MYO5C: variants seen among roughly 807,000 people sequenced by gnomAD.
MYO5C encodes myosin VC.
MYO5C carries 194 observed loss-of-function variants against 235.7 expected under a neutral mutation model. The ratio of observed to expected loss-of-function variants is 0.82; its 90% CI spans 0.73 to 0.93. The LOEUF is 0.93. MYO5C is among the 40% of genes least tolerant of loss of function. MYO5C has a pLI of 0.00. For missense variants in MYO5C, 2,038 were observed against 2,127.2 expected, an observed-to-expected ratio of 0.96 and a Z score of 0.82; for synonymous variants, 707 against 754.8, an observed-to-expected ratio of 0.94 and a Z score of 1.04.
In MYO5C at chr15:52,295,794, G is replaced by A. The variant is rs1025525907; in HGVS notation, c.-158C>T. ...CCAACGGCCTCCTGTTCCCGTTCCC[G>A]AGTTGGCGGCGAGGGGAGGGGGCAG... On this transcript the variant is annotated 5_prime_UTR_variant, in exon 1 of 41. Coordinates refer to ENST00000261839, the MANE Select transcript of MYO5C (RefSeq NM_018728.4). 2.1e-6 allele frequency: 1 copy of A among 478,500 alleles called. No homozygotes were observed. The highest frequency in any genetic ancestry group is 4.4e-5 in the Admixed American group (1 of 22,678). 29.6% of individuals were successfully genotyped at this position (478,500 alleles called of 1,614,324 possible).
chr15:52,229,124 C>G lies in MYO5C; in HGVS notation c.3207+9G>C, dbSNP rs761266623. ...CAGAGGGCGGGGCTGAACGTGAGAGCCGCTCTACCTTGACCTGCTTGCTCA... is the reference window on the plus strand; with the variant it reads ...CAGAGGGCGGGGCTGAACGTGAGAGGCGCTCTACCTTGACCTGCTTGCTCA... On this transcript the variant is annotated intron_variant, in intron 25 of 40. Coordinates refer to ENST00000261839, the MANE Select transcript of MYO5C (RefSeq NM_018728.4). 54 of 1,613,568 alleles carry G rather than the reference C, an allele frequency of 3.3e-5. 1 individual carries two copies. The Admixed American group carries it at 3.7e-4, about 11-fold the overall frequency.
intron 16 of MYO5C, among the ~76,000 whole-genome samples, 165 bp downstream of exon 16, chr15:52,246,752 A>G (rs1427229638): frequency 1.3e-5 from 2 of 152,138 alleles, no homozygotes; most frequent in Non-Finnish European, 2.9e-5. Context: ...GGGTTTAACC[A>G]GAGGGGCTGA....
At chr15:52,293,741 T>TCTC (rs2037442976) in intron 1 of MYO5C, among the ~76,000 whole-genome samples, 1 of 152,116 alleles carries the variant, frequency 6.6e-6, no homozygotes, top group African/African-American at 2.4e-5. Context: ...GACCTGAGAA[T>TCTC]TCAGCTACGT....
chr15:52,268,220 C>T (rs982660692), intron 8 of MYO5C, among the ~76,000 whole-genome samples: 16 of 152,144 alleles, frequency 1.1e-4, no homozygotes, highest in African/African-American at 3.4e-4. Flanking sequence ...AGAATGAAAG[C>T]ACTTAGTATG....
chr15:52,290,360 A>T (rs1468271449), intron 1 of MYO5C, among the ~76,000 whole-genome samples: 1 of 152,120 alleles, frequency 6.6e-6, no homozygotes, highest in Non-Finnish European at 1.5e-5. Flanking sequence ...TTAATGGTAT[A>T]TAGAAGTCTA....
chr15:52,290,331 A>AT (rs1320291935), intron 1 of MYO5C, among the ~76,000 whole-genome samples: 2 of 152,074 alleles, frequency 1.3e-5, no homozygotes, highest in East Asian at 1.9e-4. Flanking sequence ...CAATGGATAC[A>AT]TTTAATTTTC....
chr15:52,246,040 A>T lies in MYO5C; in HGVS notation c.1982T>A (p.Phe661Tyr). The T allele has an allele frequency of 6.2e-7, 1 of 1,613,582 alleles. No homozygotes were observed. Among genetic ancestry groups the T allele is most frequent in the Non-Finnish European group, 8.5e-7 (1 of 1,179,562 alleles). ...CTGCTGAACAATTCTTTTGGAGTCA[A>T]ATCTTTAAAAAGACAATGATATTAT... ...KPNDEKLPFE[F>Y]DSKRIVQQLR... Residue 661 changes from phenylalanine (F) to tyrosine (Y), a missense_variant and splice_region_variant, in exon 17 of 41, where the codon TTT (phenylalanine) becomes TAT (tyrosine). Transcript: ENST00000261839.
In MYO5C at chr15:52,205,870, G is replaced by A. The variant is rs1369004743; in HGVS notation, c.4483C>T (p.Arg1495Ter). The part of the protein sequence containing the change: ...YRQILSDVAI[R>*]IYHQFIIIME... ...ATGATAATAAATTGATGATATATTC[G>A]TATAGCCACATCACTGAGAATCTGT... is the stretch of plus-strand genomic sequence containing the variant. Residue 1495 changes from arginine (R) to a stop codon, truncating the protein, a stop_gained, in exon 37 of 41, where the codon CGA becomes TGA. Coordinates refer to ENST00000261839, the MANE Select transcript of MYO5C (RefSeq NM_018728.4). LOFTEE classifies it high-confidence loss of function. 3 of 1,591,040 alleles carry A rather than the reference G, an allele frequency of 1.9e-6. No individual in the cohort carries two copies. The highest frequency in any genetic ancestry group is 4.5e-5 in the East Asian group (2 of 44,488).
chr15:52,252,770 G>A (rs139124920), intron 12 of MYO5C, among the ~76,000 whole-genome samples: 473 of 142,326 alleles, frequency 3.3e-3, no homozygotes, highest in East Asian at 0.026. Context: ...GCAAGACTCC[G>A]TCTCAAAAAA....
chr15:52,248,828 T>C, intron 13 of MYO5C, 45 bp from the exon 14 acceptor site: 1 of 1,294,672 alleles, frequency 7.7e-7, no homozygotes, highest in Non-Finnish European at 1.1e-6. Flanking sequence ...GGCCAAAGAA[T>C]ATAGCCTCTA....
intron 20 of MYO5C, among the ~76,000 whole-genome samples, chr15:52,240,552 AAGAAG>A (rs1274640926): frequency 5.3e-4 from 68 of 129,466 alleles, no homozygotes; most frequent in Admixed American, 1.1e-3. Flanking sequence ...AAAAAAGAAA[AAGAAG>A]AAAAAAGAAA....
At chr15:52,279,228 G>A (rs767242529) in intron 3 of MYO5C, among the ~76,000 whole-genome samples, 4 of 152,090 alleles carry the variant, frequency 2.6e-5, no homozygotes, top group Non-Finnish European at 4.4e-5. Flanking sequence ...GGAAATGCTC[G>A]CAAATGGAGA....
intron 9 of MYO5C, among the ~76,000 whole-genome samples, chr15:52,262,844 T>C (rs1462437287): frequency 6.6e-6 from 1 of 152,186 alleles, no homozygotes; most frequent in East Asian, 1.9e-4. Flanking sequence ...GACTGAACAT[T>C]TGTGTCCCTC....
intron 10 of MYO5C, 129 bp downstream of exon 10, chr15:52,260,733 G>A: frequency 9.5e-7 from 1 of 1,055,916 alleles, no homozygotes; most frequent in Non-Finnish European, 1.3e-6. Context: ...GCATCTATAG[G>A]GGCAAAAGCA....
chr15:52,214,720 G>T, intron 32 of MYO5C, 30 bp from the exon 33 acceptor site: 3 of 1,465,166 alleles, frequency 2.0e-6, no homozygotes, highest in Non-Finnish European at 1.8e-6. Flanking sequence ...CCAGGATTTA[G>T]CTTAGAAGCA....
intron 18 of MYO5C, 65 bp from the exon 19 acceptor site, chr15:52,244,632 G>T: frequency 8.3e-7 from 1 of 1,208,080 alleles, no homozygotes; most frequent in Non-Finnish European, 1.2e-6. Flanking sequence ...ACAGTATTTG[G>T]AAAAGAGCTT....
intron 15 of MYO5C, 35 bp downstream of exon 15, chr15:52,247,422 CT>C: frequency 6.2e-7 from 1 of 1,610,346 alleles, no homozygotes. Flanking sequence ...CTGGCCCTGC[CT>C]TTAGACCCCT....
In MYO5C at chr15:52,246,968, G is replaced by A. The variant is rs56250328; in HGVS notation, c.1928C>T (p.Thr643Met). 7.3e-4 allele frequency: 1,185 copies of A among 1,614,086 alleles called. 7 individuals carry two copies. In the Middle Eastern group the frequency reaches 0.013, roughly 18 times the overall value. The change falls in exon 16 of 41, where the codon ACG (threonine) becomes ATG (methionine). Residue 643 changes from threonine to methionine, a missense_variant. Physicochemically the swap from Thr to Met is moderately conservative, Grantham distance 81 (BLOSUM62 -1). Transcript: ENST00000261839. ...YLLMETLNAT[T>M]PHYVRCIKPN... ...CTTGATGCATCGAACGTAGTGGGGCGTCGTCGCATTGAGGGTCTCCATGAG... is the reference window on the plus strand; with the variant it reads ...CTTGATGCATCGAACGTAGTGGGGCATCGTCGCATTGAGGGTCTCCATGAG...
intron 7 of MYO5C, among the ~76,000 whole-genome samples, chr15:52,270,315 C>T (rs2036891673): frequency 6.6e-6 from 1 of 152,084 alleles, no homozygotes; most frequent in Non-Finnish European, 1.5e-5. Context: ...TCCTACATAA[C>T]AGACACAGAA....
Sources: gnomAD v4.1 joint callset for allele counts (sites outside exome capture counted in the v4.1 genomes callset) on GRCh38, gnomAD v4.1.1 for gene constraint, MANE v1.5 for transcripts, NCBI Gene and HGNC (gene_info 2026-07-23, HGNC 2026-07-21) for gene names.